TOP6BL: variants seen among roughly 807,000 people sequenced by gnomAD.
The protein encoded by TOP6BL is type 2 DNA topoisomerase 6 subunit B-like.
At chr11:66,812,180 T>G in the TOP6BL span, among the ~76,000 whole-genome samples, 10 of 134,338 alleles carry the variant, frequency 7.4e-5, no homozygotes, top group South Asian at 2.2e-3. Context: ...ATTCTGAGTT[T>G]GCATCTTTTT....
chr11:66,777,449 T>G, the TOP6BL span, among the ~76,000 whole-genome samples: 8 of 152,158 alleles, frequency 5.3e-5, no homozygotes, highest in African/African-American at 1.9e-4. Context: ...GAATACACAG[T>G]TCTCAATAAG....
At chr11:66,749,645 A>C in the TOP6BL span, among the ~76,000 whole-genome samples, 1 of 151,916 alleles carries the variant, frequency 6.6e-6, no homozygotes, top group African/African-American at 2.4e-5. Context: ...GCTCACTGCA[A>C]CCTCTGCCTC....
chr11:66,781,398 G>T, the TOP6BL span, among the ~76,000 whole-genome samples: 46 of 151,858 alleles, frequency 3.0e-4, no homozygotes, highest in Non-Finnish European at 5.7e-4. Context: ...ATTTCTTTTT[G>T]GTTCTTTTTG....
the TOP6BL span, among the ~76,000 whole-genome samples, chr11:66,818,663 G>C: frequency 6.6e-6 from 1 of 152,120 alleles, no homozygotes; most frequent in East Asian, 1.9e-4. Context: ...TCTTTAACAT[G>C]AGATTGTTAG....
At chr11:66,801,428 A>G in the TOP6BL span, among the ~76,000 whole-genome samples, 13 of 152,206 alleles carry the variant, frequency 8.5e-5, no homozygotes, top group Non-Finnish European at 1.9e-4. Flanking sequence ...ATTCTTGGCT[A>G]GAGAGATAGT....
the TOP6BL span, among the ~76,000 whole-genome samples, chr11:66,785,046 C>G: frequency 7.3e-5 from 11 of 150,612 alleles, 1 homozygote; most frequent in Non-Finnish European, 2.9e-5. Context: ...ACCTCCACCT[C>G]CCTGGTTCTA....
At chr11:66,761,582 C>A in the TOP6BL span, 1 of 1,168,894 alleles carries the variant, frequency 8.6e-7, no homozygotes. Context: ...GCTCTACTGG[C>A]TCTTGACAAA....
chr11:66,813,744 A>T, the TOP6BL span: 1 of 941,314 alleles, frequency 1.1e-6, no homozygotes. Flanking sequence ...AAAAAAAAAA[A>T]AAAGTAACTG....
chr11:66,788,058 G>A, the TOP6BL span: 1 of 742,182 alleles, frequency 1.3e-6, no homozygotes, highest in Admixed American at 2.4e-5. Context: ...CTTTTCATCA[G>A]GGAAAAGCCT....
At chr11:66,749,715 C>T in the TOP6BL span, among the ~76,000 whole-genome samples, 1 of 152,006 alleles carries the variant, frequency 6.6e-6, no homozygotes, top group Non-Finnish European at 1.5e-5. Context: ...GCAGCTGCCA[C>T]CATGCCTGGC....
chr11:66,806,293 G>A, the TOP6BL span, among the ~76,000 whole-genome samples: 26 of 152,256 alleles, frequency 1.7e-4, no homozygotes, highest in African/African-American at 5.5e-4. Context: ...TATCTCATAG[G>A]TTTAGTTTCC....
chr11:66,814,440 T>G, the TOP6BL span, among the ~76,000 whole-genome samples: 1 of 152,046 alleles, frequency 6.6e-6, no homozygotes. Context: ...TTTTTGTATT[T>G]TTGGTAGAGA....
At chr11:66,843,230 CCT>C in the TOP6BL span, 1 of 1,609,438 alleles carries the variant, frequency 6.2e-7, no homozygotes, top group Non-Finnish European at 8.5e-7. Context: ...AGCCCTGGGC[CCT>C]GAGCCGGGTC....
chr11:66,799,994 T>A, the TOP6BL span, among the ~76,000 whole-genome samples: 6 of 149,362 alleles, frequency 4.0e-5, no homozygotes, highest in South Asian at 1.3e-3. Flanking sequence ...GGTGGGAGGA[T>A]CACTTGAGCC....
chr11:66,777,658 A>T, the TOP6BL span, among the ~76,000 whole-genome samples: 1 of 152,154 alleles, frequency 6.6e-6, no homozygotes, highest in Admixed American at 6.6e-5. Flanking sequence ...TGGGAGGCTG[A>T]CATGGGTGGA....
At chr11:66,836,988 C>T in the TOP6BL span, among the ~76,000 whole-genome samples, 152 of 149,598 alleles carry the variant, frequency 1.0e-3, no homozygotes, top group African/African-American at 3.5e-3. Context: ...CGTGAGCTAC[C>T]GTGCGTGGCC....
the TOP6BL span, among the ~76,000 whole-genome samples, chr11:66,841,357 C>T: frequency 6.6e-6 from 1 of 152,088 alleles, no homozygotes; most frequent in African/African-American, 2.4e-5. Context: ...ACCTCGTGAT[C>T]TGCCCGCCTC....
chr11:66,795,134 C>CA, the TOP6BL span, among the ~76,000 whole-genome samples: 1,801 of 147,716 alleles, frequency 0.012, 44 homozygotes, highest in African/African-American at 0.041. Flanking sequence ...AACTCCATCT[C>CA]AAAAAAAAAT....
At chr11:66,825,590 A>T in the TOP6BL span, among the ~76,000 whole-genome samples, 2 of 152,012 alleles carry the variant, frequency 1.3e-5, no homozygotes, top group Non-Finnish European at 2.9e-5. Flanking sequence ...GAGGGCCCTC[A>T]CCAGAACCTG....
Sources: allele counts gnomAD v4.1 joint callset (sites outside exome capture counted in the v4.1 genomes callset), GRCh38; gene constraint gnomAD v4.1.1; transcripts MANE v1.5; gene names NCBI Gene and HGNC (gene_info 2026-07-23, HGNC 2026-07-21).